RFTN2: variants seen among roughly 807,000 people sequenced by gnomAD.
RFTN2 encodes the protein raftlin family member 2.
In RFTN2, 34 loss-of-function variants were observed where a neutral mutation model predicts 52.7. The observed-to-expected ratio is 0.64, with a 90% CI of 0.49 to 0.86. The LOEUF (loss-of-function observed/expected upper bound fraction) is 0.86. RFTN2 is among the 40% of genes least tolerant of loss of function. RFTN2 has a pLI of 0.00. For synonymous variants in RFTN2, 203 were observed against 217.7 expected (o/e 0.93, Z 0.59); for missense variants, 536 against 600.1 (o/e 0.89, Z 1.12).
chr2:197,626,407 A>T (rs1383482387), intron 5 of RFTN2, among the ~76,000 whole-genome samples: 1 of 151,878 alleles, frequency 6.6e-6, no homozygotes. Flanking sequence ...CTACAAAAAA[A>T]TTTAAAAAAT....
rs752992948 is a variant in RFTN2, at chr2:197,644,268, T to C, written c.328A>G (p.Lys110Glu). 4 of 1,577,810 alleles carry C rather than the reference T, an allele frequency of 2.5e-6. No homozygotes were observed. Among genetic ancestry groups the C allele is most frequent in the Non-Finnish European group, 3.5e-6 (4 of 1,147,046 alleles). The change falls in exon 3 of 9, where the codon AAG becomes GAG. Residue 110 changes from lysine to glutamate, a missense_variant. By Grantham distance (56) the Lys-to-Glu change is moderately conservative (BLOSUM62 1). Transcript: ENST00000295049. ...VVLLRLKLSP[K>E]NSAAPSGQRR... ...TGTCCACTGGGTGCTGCCGAATTCT[T>C]TGGGCTGTAACAGAGGGAATATGTT...
chr2:197,616,309 A>ATTTTATTTTCTTTTATTTATTTTATTTT lies in RFTN2; in HGVS notation c.1051-331_1051-330insAAAATAAAATAAATAAAAGAAAATAAAA, dbSNP rs1553601950. ...ATTTTATTTTATTTTATTTTATTTT[A>ATTTTATTTTCTTTTATTTATTTTATTTT]AAGAGAGGGTCTCATTCCTACATCC... On this transcript the variant is annotated intron_variant, in intron 6 of 8. Coordinates refer to ENST00000295049, the MANE Select transcript of RFTN2 (RefSeq NM_144629.3). 1.6e-5 allele frequency among the ~76,000 whole-genome samples: 2 copies of ATTTTATTTTCTTTTATTTATTTTATTTT among 125,038 alleles called. 1 individual carries two copies. The highest frequency in any genetic ancestry group is 3.4e-5 in the Non-Finnish European group (2 of 58,752). 82.0% of individuals were successfully genotyped at this position (125,038 alleles called of 152,430 possible). A position where few individuals can be genotyped will look rare whatever the true frequency, so the allele number is the denominator to read the frequency against.
intron 8 of RFTN2, among the ~76,000 whole-genome samples, chr2:197,576,083 A>T (rs2087414917): frequency 6.6e-6 from 1 of 151,658 alleles, no homozygotes; most frequent in Non-Finnish European, 1.5e-5. Context: ...ATCCCAGCAC[A>T]CTGTAGCTTC....
intron 3 of RFTN2, among the ~76,000 whole-genome samples, chr2:197,635,186 G>A (rs963540569): frequency 4.6e-5 from 7 of 151,972 alleles, no homozygotes; most frequent in South Asian, 4.2e-4. Context: ...GAATAATGCC[G>A]CAATAAACAT....
intron 7 of RFTN2, among the ~76,000 whole-genome samples, chr2:197,605,835 A>G (rs1373489165): frequency 6.6e-6 from 1 of 152,164 alleles, no homozygotes; most frequent in African/African-American, 2.4e-5. Flanking sequence ...ATCTGCCACA[A>G]GGAATACTTT....
chr2:197,644,294 T>G, intron 2 of RFTN2, 22 bp from the exon 3 acceptor site: 1 of 1,389,326 alleles, frequency 7.2e-7, no homozygotes, highest in Non-Finnish European at 1.0e-6. Flanking sequence ...GGAATATGTT[T>G]ATGGTTGGAG....
At chr2:197,584,998 T>C (rs2087572642) in intron 8 of RFTN2, among the ~76,000 whole-genome samples, 1 of 152,188 alleles carries the variant, frequency 6.6e-6, no homozygotes, top group Non-Finnish European at 1.5e-5. Context: ...TAGTCATCTA[T>C]AGTACCCCAA....
intron 7 of RFTN2, among the ~76,000 whole-genome samples, chr2:197,612,778 C>A (rs538493002): frequency 6.6e-6 from 1 of 152,080 alleles, no homozygotes; most frequent in African/African-American, 2.4e-5. Context: ...AACCTAGGGA[C>A]GTACTGTATG....
chr2:197,582,130 G>GGT (rs1309496856), intron 8 of RFTN2, among the ~76,000 whole-genome samples: 1 of 152,170 alleles, frequency 6.6e-6, no homozygotes, highest in Non-Finnish European at 1.5e-5. Flanking sequence ...GTTTCTGTGT[G>GGT]GTGGTTGCTG....
intron 5 of RFTN2, among the ~76,000 whole-genome samples, chr2:197,629,338 C>T (rs1282446953): frequency 2.6e-5 from 4 of 152,022 alleles, no homozygotes; most frequent in Non-Finnish European, 2.9e-5. Flanking sequence ...AGCAAACTAT[C>T]GCAAGGACAG....
intron 8 of RFTN2, among the ~76,000 whole-genome samples, chr2:197,592,159 G>C (rs537357221): frequency 6.6e-6 from 1 of 152,284 alleles, no homozygotes; most frequent in African/African-American, 2.4e-5. Flanking sequence ...AATTGGGTAG[G>C]AAAAGTCTTG....
At chr2:197,633,399 A>G (rs746953854) in intron 4 of RFTN2, among the ~76,000 whole-genome samples, 5 of 152,170 alleles carry the variant, frequency 3.3e-5, no homozygotes, top group Admixed American at 6.6e-5. Context: ...TTTTAGACCT[A>G]ATAGACTCAC....
chr2:197,660,864 T>G (rs886710621), intron 1 of RFTN2, among the ~76,000 whole-genome samples: 13 of 152,080 alleles, frequency 8.5e-5, no homozygotes, highest in African/African-American at 3.1e-4. Flanking sequence ...CGGCCAAGTA[T>G]TTATTATTTC....
intron 5 of RFTN2, among the ~76,000 whole-genome samples, chr2:197,624,753 G>C (rs2088326812): frequency 6.6e-6 from 1 of 152,022 alleles, no homozygotes; most frequent in Non-Finnish European, 1.5e-5. Flanking sequence ...TTGAGTTCAG[G>C]AGTTCAAGAC....
chr2:197,665,907 C>G (rs184835581), intron 1 of RFTN2, among the ~76,000 whole-genome samples: 30 of 152,188 alleles, frequency 2.0e-4, no homozygotes, highest in Admixed American at 2.0e-3. Flanking sequence ...TGAGTCCTTT[C>G]TCTTCCTCAT....
At chr2:197,600,237 G>A (rs1040751163) in intron 7 of RFTN2, among the ~76,000 whole-genome samples, 2 of 152,128 alleles carry the variant, frequency 1.3e-5, no homozygotes, top group Non-Finnish European at 2.9e-5. Context: ...TGCTGTTTGG[G>A]GAGTCTAATG....
chr2:197,581,100 A>C (rs1181110192), intron 8 of RFTN2, among the ~76,000 whole-genome samples: 2 of 152,136 alleles, frequency 1.3e-5, no homozygotes, highest in African/African-American at 4.8e-5. Context: ...GCTCAATGCC[A>C]CTATCCCATC....
At chr2:197,665,225 C>G (rs1360947651) in intron 1 of RFTN2, among the ~76,000 whole-genome samples, 1 of 152,108 alleles carries the variant, frequency 6.6e-6, no homozygotes, top group African/African-American at 2.4e-5. Flanking sequence ...ATGAGGGAAC[C>G]TTCTATACTT....
intron 5 of RFTN2, among the ~76,000 whole-genome samples, chr2:197,621,400 G>GACC (rs1246579924): frequency 3.6e-5 from 2 of 55,186 alleles, no homozygotes; most frequent in African/African-American, 1.6e-4. Context: ...TGCAGATACC[G>GACC]GTTTTTTTTT....
Sources: allele counts gnomAD v4.1 joint callset (sites outside exome capture counted in the v4.1 genomes callset), GRCh38; gene constraint gnomAD v4.1.1; transcripts MANE v1.5; gene names NCBI Gene and HGNC (gene_info 2026-07-23, HGNC 2026-07-21).